The following SUFU variants were observed in gnomAD, a reference collection of about 807,000 sequenced individuals.
SUFU encodes the protein suppressor of fused homolog.
Under a neutral mutation model 58.9 loss-of-function variants are expected in SUFU, and 7 were observed. The ratio of observed to expected loss-of-function variants is 0.12; its 90% CI spans 0.07 to 0.22. SUFU has a LOEUF of 0.22. Ranked by LOEUF, SUFU falls within the 10% of genes least tolerant of loss-of-function variation. The pLI is 1.00. For missense variants in SUFU, 451 were observed against 641.3 expected, an observed-to-expected ratio of 0.70 and a Z score of 3.20; for synonymous variants, 232 against 254.8, an observed-to-expected ratio of 0.91 and a Z score of 0.85.
At chr10:102,505,844 A>G (rs1207565687) in intron 1 of SUFU, among the ~76,000 whole-genome samples, 3 of 152,074 alleles carry the variant, frequency 2.0e-5, no homozygotes, top group South Asian at 4.2e-4. Flanking sequence ...TTAATGACCC[A>G]TTCTCATTGT....
intron 2 of SUFU, among the ~76,000 whole-genome samples, chr10:102,543,230 C>T (rs1396618376): frequency 6.6e-6 from 1 of 152,130 alleles, no homozygotes; most frequent in African/African-American, 2.4e-5. Context: ...AATATGATGT[C>T]ATACTTACTA....
At chr10:102,602,678 C>A (rs181689400) in intron 8 of SUFU, among the ~76,000 whole-genome samples, 41 of 152,340 alleles carry the variant, frequency 2.7e-4, no homozygotes, top group Non-Finnish European at 4.1e-4. Flanking sequence ...TAGGGGATTT[C>A]TTTCCATTTT....
chr10:102,584,349 T>C (rs1167809969), intron 3 of SUFU, among the ~76,000 whole-genome samples: 1 of 152,160 alleles, frequency 6.6e-6, no homozygotes, highest in East Asian at 1.9e-4. Flanking sequence ...TGGTTCTCTT[T>C]GTCTTTTTTT....
intron 2 of SUFU, among the ~76,000 whole-genome samples, chr10:102,510,659 T>C (rs762240694): frequency 1.3e-4 from 20 of 151,612 alleles, no homozygotes; most frequent in Non-Finnish European, 2.9e-4. Flanking sequence ...TTGTCTCTAC[T>C]AAAAATACAA....
At chr10:102,539,004 G>C (rs1399500590) in intron 2 of SUFU, among the ~76,000 whole-genome samples, 1 of 152,182 alleles carries the variant, frequency 6.6e-6, no homozygotes, top group Non-Finnish European at 1.5e-5. Context: ...GCAGTGTTTT[G>C]CTTTGTGCGG....
intron 3 of SUFU, among the ~76,000 whole-genome samples, chr10:102,563,623 G>A (rs1315892637): frequency 1.3e-5 from 2 of 151,738 alleles, no homozygotes; most frequent in Non-Finnish European, 2.9e-5. Context: ...AGTGAGCCAG[G>A]ATCATGCCAC....
rs184519402 is a variant in SUFU, at chr10:102,590,122, A to T, written c.455-2460A>T. On this transcript the variant is annotated intron_variant, in intron 3 of 11. Transcript: ENST00000369902. The stretch of plus-strand genomic sequence containing the variant: ...TTCTACTTGGTCATTGTGTATAACC[A>T]CCTCCCCCCCGACTTTTTCTTTTTT... Among the ~76,000 whole-genome samples the T allele has an allele frequency of 3.4e-3, 417 of 122,548 alleles. 4 individuals carry two copies. Among genetic ancestry groups the T allele is most frequent in the African/African-American group, 0.012 (401 of 32,106 alleles). 80.4% of individuals were successfully genotyped at this position (122,548 alleles called of 152,430 possible).
At chr10:102,517,916 G>A (rs1385527121) in intron 2 of SUFU, among the ~76,000 whole-genome samples, 2 of 152,188 alleles carry the variant, frequency 1.3e-5, no homozygotes, top group Non-Finnish European at 2.9e-5. Context: ...TGAGTGTGGA[G>A]ACAATGAAGA....
At chr10:102,556,330 G>A (rs1730911029) in intron 3 of SUFU, among the ~76,000 whole-genome samples, 1 of 152,344 alleles carries the variant, frequency 6.6e-6, no homozygotes, top group Non-Finnish European at 1.5e-5. Context: ...CTGAGCTGGA[G>A]AGAAAAGGAA....
At position 102,592,797 on chromosome 10, in the gene SUFU, AG is replaced by A. The variant is rs1440799453; in HGVS notation, c.597+78del. 2.1e-5 allele frequency: 33 copies of A among 1,574,692 alleles called. No individual in the cohort carries two copies. In the African/African-American group the frequency reaches 4.2e-4, roughly 20 times the overall value. ...CCTGGGAGGACAAGGAGGCTTGAGG[AG>A]GGGGAGTGAAGGGAGTGGGAGGTTT... On this transcript the variant is annotated intron_variant, in intron 4 of 11. Coordinates refer to ENST00000369902, the MANE Select transcript of SUFU (RefSeq NM_016169.4).
chr10:102,536,363 C>CTTTTT (rs11290425), intron 2 of SUFU, among the ~76,000 whole-genome samples: 1 of 101,926 alleles, frequency 9.8e-6, no homozygotes, highest in Non-Finnish European at 1.9e-5. Flanking sequence ...AATTTTATTG[C>CTTTTT]TTTTTTTTTT....
chr10:102,532,512 C>T (rs544621765), intron 2 of SUFU, among the ~76,000 whole-genome samples: 1 of 152,336 alleles, frequency 6.6e-6, no homozygotes, highest in Non-Finnish European at 1.5e-5. Context: ...GCTGCATCCT[C>T]ATCTGGGGCT....
chr10:102,543,960 A>C (rs1303202783), intron 2 of SUFU, among the ~76,000 whole-genome samples: 1 of 152,200 alleles, frequency 6.6e-6, no homozygotes, highest in Non-Finnish European at 1.5e-5. Flanking sequence ...AAAATAGATT[A>C]ATTAGGCACA....
chr10:102,586,121 G>A (rs530089870), intron 3 of SUFU, among the ~76,000 whole-genome samples: 2 of 151,912 alleles, frequency 1.3e-5, no homozygotes, highest in African/African-American at 4.8e-5. Flanking sequence ...CTGACCTCAG[G>A]TGATCTGCCC....
chr10:102,522,107 C>G (rs1035224158), intron 2 of SUFU, among the ~76,000 whole-genome samples: 1 of 152,182 alleles, frequency 6.6e-6, no homozygotes, highest in Non-Finnish European at 1.5e-5. Context: ...ACGCTGTTGT[C>G]TGAATTCAGC....
Position 102,503,986 on chromosome 10 carries a change from C to A in SUFU, c.-167C>A. 9.8e-7 allele frequency: 1 copy of A among 1,020,096 alleles called. No homozygotes were observed. Among genetic ancestry groups the A allele is most frequent in the Non-Finnish European group, 1.3e-6 (1 of 754,994 alleles). The allele number at this position is 1,020,096 out of a possible 1,614,324, so 63.2% of individuals were successfully genotyped here. ...CACCCTCTGGCAGACTCGGCGGCGG[C>A]GACAGCCTGGGCGGACAGTGCGCCG... On this transcript the variant is annotated 5_prime_UTR_variant, in exon 1 of 12. Coordinates refer to ENST00000369902, the MANE Select transcript of SUFU (RefSeq NM_016169.4).
At chr10:102,510,554 G>A (rs1283319056) in intron 2 of SUFU, among the ~76,000 whole-genome samples, 1 of 151,466 alleles carries the variant, frequency 6.6e-6, no homozygotes, top group Non-Finnish European at 1.5e-5. Flanking sequence ...GGGCACAGTG[G>A]CTCATGCCTG....
intron 3 of SUFU, among the ~76,000 whole-genome samples, chr10:102,553,103 A>G (rs189692731): frequency 2.8e-4 from 42 of 152,312 alleles, no homozygotes; most frequent in Admixed American, 4.6e-4. Context: ...CTACACTCCT[A>G]AAAGTGTAAT....
chr10:102,538,321 A>C (rs2062764294), intron 2 of SUFU, among the ~76,000 whole-genome samples: 1 of 151,490 alleles, frequency 6.6e-6, no homozygotes, highest in South Asian at 2.1e-4. Flanking sequence ...ATTCTTATAA[A>C]TACTACTGAA....
Sources: gnomAD v4.1 joint callset for allele counts (sites outside exome capture counted in the v4.1 genomes callset) on GRCh38, gnomAD v4.1.1 for gene constraint, MANE v1.5 for transcripts, NCBI Gene and HGNC (gene_info 2026-07-23, HGNC 2026-07-21) for gene names.